The following CLDN14 variants were observed in gnomAD, a reference collection of about 807,000 sequenced individuals.
CLDN14 encodes claudin-14.
In CLDN14, 2 loss-of-function variants were observed where a neutral mutation model predicts 2.1. The ratio of observed to expected loss-of-function variants is 0.96; its 90% CI spans 0.39 to 3.01. The LOEUF (loss-of-function observed/expected upper bound fraction) is 3.01, where lower values mean the gene tolerates loss of function less well. Among genes scored for constraint, CLDN14 ranks in the 30% most tolerant of loss-of-function variants. The probability of loss-of-function intolerance (pLI) is 0.09; values close to 1 mark genes in which losing one functional copy is unlikely to be tolerated. For synonymous variants in CLDN14, 136 were observed against 154.4 expected, an observed-to-expected ratio of 0.88 and a Z score of 0.88; for missense variants, 298 against 328.0, an observed-to-expected ratio of 0.91 and a Z score of 0.71.
Position 36,553,945 on chromosome 21 carries a change from G to A in CLDN14, c.-220+22466C>T, listed in dbSNP as rs531977931. ...CATCGTGCATATCATTGGCTATGGC[G>A]AATATAGCGTCCTCGACAGTCCTGG... is the stretch of plus-strand genomic sequence containing the variant. On this transcript the variant is annotated intron_variant, in intron 1 of 2. Coordinates refer to the CLDN14 transcript ENST00000342108. 1.3e-3 allele frequency among the ~76,000 whole-genome samples: 191 copies of A among 152,256 alleles called. No individual in the cohort carries two copies. In the South Asian group the frequency reaches 0.015, roughly 12 times the overall value.
Position 36,499,954 on chromosome 21 carries a change from G to A in CLDN14, c.-82+10409C>T, listed in dbSNP as rs1022284686. On this transcript the variant is annotated intron_variant, in intron 2 of 2. Coordinates refer to the CLDN14 transcript ENST00000342108. The surrounding 1 kb of genome is among the most constrained non-coding windows in gnomAD (Gnocchi z 4.7). ...GGGCCCAGAAGCCTGCCCCAGCCGC[G>A]CACACAGAGTCTACCTGTCTTCCAA... 1.4e-4 allele frequency among the ~76,000 whole-genome samples: 22 copies of A among 152,146 alleles called. No individual in the cohort carries two copies. Among genetic ancestry groups the A allele is most frequent in the Non-Finnish European group, 2.2e-4 (15 of 68,030 alleles).
intron 1 of CLDN14, among the ~76,000 whole-genome samples, chr21:36,465,825 C>T (rs527432181): frequency 1.2e-4 from 19 of 152,330 alleles, no homozygotes; most frequent in African/African-American, 4.3e-4. Context: ...TTCCAAGCAT[C>T]AAGCTCTAGA....
At chr21:36,518,582 G>T (rs746683260) in intron 1 of CLDN14, among the ~76,000 whole-genome samples, 3 of 146,304 alleles carry the variant, frequency 2.1e-5, no homozygotes, top group Non-Finnish European at 4.6e-5. Flanking sequence ...CTGGGTGACA[G>T]AGCAAGACTC....
intron 1 of CLDN14, among the ~76,000 whole-genome samples, chr21:36,526,752 C>G (rs2087333663): frequency 6.6e-6 from 1 of 152,240 alleles, no homozygotes; most frequent in Admixed American, 6.5e-5. Context: ...ACAAATCTCA[C>G]CCCTATTTAA....
At chr21:36,553,141 C>T (rs1440479139) in intron 1 of CLDN14, among the ~76,000 whole-genome samples, 2 of 152,194 alleles carry the variant, frequency 1.3e-5, no homozygotes, top group African/African-American at 2.4e-5. Flanking sequence ...TGAGCTAGGA[C>T]CAAGGCATTA....
chr21:36,571,823 C>T (rs954543351), intron 1 of CLDN14, among the ~76,000 whole-genome samples: 1 of 152,070 alleles, frequency 6.6e-6, no homozygotes, highest in African/African-American at 2.4e-5. Flanking sequence ...TGGAAAGTCA[C>T]CAGGGGTTAT....
At chr21:36,475,275 G>A (rs1016083167) in intron 1 of CLDN14, among the ~76,000 whole-genome samples, 4 of 152,248 alleles carry the variant, frequency 2.6e-5, no homozygotes, top group African/African-American at 9.6e-5. Flanking sequence ...ACACAAAGGT[G>A]TGAACATCAT....
chr21:36,481,477 C>T (rs1449925661), upstream of CLDN14, among the ~76,000 whole-genome samples: 1 of 152,176 alleles, frequency 6.6e-6, no homozygotes, highest in African/African-American at 2.4e-5. Flanking sequence ...AAGTTCATTA[C>T]ATTTAGTTTA....
chr21:36,570,954 G>A (rs1601641096), intron 1 of CLDN14, among the ~76,000 whole-genome samples: 1 of 152,294 alleles, frequency 6.6e-6, no homozygotes, highest in Non-Finnish European at 1.5e-5. Flanking sequence ...CAATTCTCCT[G>A]CCTCAGCCTC....
At chr21:36,546,790 G>GT (rs749307062) in intron 1 of CLDN14, among the ~76,000 whole-genome samples, 4 of 152,072 alleles carry the variant, frequency 2.6e-5, no homozygotes, top group Non-Finnish European at 4.4e-5. Context: ...TGGAATCTTC[G>GT]TAAGTCTCCC....
At chr21:36,534,834 T>C (rs974990188) in intron 1 of CLDN14, among the ~76,000 whole-genome samples, 5 of 152,096 alleles carry the variant, frequency 3.3e-5, no homozygotes, top group African/African-American at 1.2e-4. Flanking sequence ...GCCCCTTATA[T>C]TTAAATATTG....
intron 1 of CLDN14, among the ~76,000 whole-genome samples, chr21:36,473,187 G>T (rs1265113688): frequency 6.6e-6 from 1 of 152,002 alleles, no homozygotes; most frequent in Non-Finnish European, 1.5e-5. Flanking sequence ...AGGCTCAAGT[G>T]ATCCTCCCAC....
intron 2 of CLDN14, among the ~76,000 whole-genome samples, chr21:36,509,216 G>A (rs1400269851): frequency 6.6e-6 from 1 of 152,236 alleles, no homozygotes; most frequent in Non-Finnish European, 1.5e-5. Context: ...GGTGGAGATG[G>A]CTGCCCACCT....
chr21:36,510,480 G>C (rs968698463), exon 2 of CLDN14: 1 of 152,304 alleles, frequency 6.6e-6, no homozygotes, highest in African/African-American at 2.4e-5. Context: ...CTTGTGTCCA[G>C]ATCTCTGGGC....
chr21:36,514,448 C>T (rs1002094538), intron 1 of CLDN14, among the ~76,000 whole-genome samples: 15 of 152,220 alleles, frequency 9.9e-5, no homozygotes, highest in South Asian at 8.3e-4. Flanking sequence ...TTCCACAGTG[C>T]GCCAGAAGCA....
At chr21:36,571,669 C>T (rs2087711014) in intron 1 of CLDN14, among the ~76,000 whole-genome samples, 1 of 152,104 alleles carries the variant, frequency 6.6e-6, no homozygotes, top group Admixed American at 6.5e-5. Context: ...AAAAGATGGA[C>T]GCTCTTGGAA....
intron 2 of CLDN14, among the ~76,000 whole-genome samples, chr21:36,510,045 C>A (rs2087171520): frequency 6.6e-6 from 1 of 152,214 alleles, no homozygotes; most frequent in African/African-American, 2.4e-5. Flanking sequence ...TTTGCTACAG[C>A]AAATGGTGTA....
intron 1 of CLDN14, among the ~76,000 whole-genome samples, chr21:36,548,694 G>T (rs576866396): frequency 6.6e-6 from 1 of 152,150 alleles, no homozygotes; most frequent in Non-Finnish European, 1.5e-5. Flanking sequence ...ATGGAGTAAG[G>T]CTGACTTCCT....
At chr21:36,463,707 G>T (rs1221643005) in intron 1 of CLDN14, among the ~76,000 whole-genome samples, 1 of 152,126 alleles carries the variant, frequency 6.6e-6, no homozygotes, top group African/African-American at 2.4e-5. Context: ...GCAAGACTCT[G>T]TCTTGAAAAA....
Sources: gnomAD v4.1 joint callset for allele counts (sites outside exome capture counted in the v4.1 genomes callset) on GRCh38, gnomAD v4.1.1 for gene constraint, Gnocchi (gnomAD v3.1) non-coding constraint, MANE v1.5 for transcripts, NCBI Gene and HGNC (gene_info 2026-07-23, HGNC 2026-07-21) for gene names.